Variants in AGBL4 observed in about 807,000 individuals in gnomAD.
AGBL4 encodes cytosolic carboxypeptidase 6.
In AGBL4, 58 loss-of-function variants were observed where a neutral mutation model predicts 66.4. That is an observed-to-expected ratio of 0.87 (90% CI 0.71 to 1.09). AGBL4 has a LOEUF of 1.09. Among genes scored for constraint, AGBL4 ranks in the 50% least tolerant of loss-of-function variants. The probability of loss-of-function intolerance (pLI) is 0.00; values close to 1 mark genes in which losing one functional copy is unlikely to be tolerated. For synonymous variants in AGBL4, 234 were observed against 222.9 expected (o/e 1.05, Z -0.44); for missense variants, 579 against 631.0 (o/e 0.92, Z 0.88).
At chr1:49,653,371 C>T (rs1316343365) in intron 3 of AGBL4, among the ~76,000 whole-genome samples, 2 of 151,994 alleles carry the variant, frequency 1.3e-5, no homozygotes, top group Non-Finnish European at 2.9e-5. Context: ...AAAGAATCAA[C>T]ATAAAAATGC....
intron 6 of AGBL4, among the ~76,000 whole-genome samples, chr1:48,756,994 A>C (rs1643969031): frequency 6.6e-6 from 1 of 152,226 alleles, no homozygotes; most frequent in South Asian, 2.1e-4. Flanking sequence ...CTTCAGGTCA[A>C]GTTTTTCTAC....
chr1:49,658,072 C>A (rs1365571231), intron 3 of AGBL4, among the ~76,000 whole-genome samples: 10 of 152,100 alleles, frequency 6.6e-5, no homozygotes, highest in East Asian at 3.8e-4. Flanking sequence ...GAATAGGCAA[C>A]CTACAGAATG....
At chr1:49,159,916 G>T (rs1646508473) in intron 4 of AGBL4, among the ~76,000 whole-genome samples, 1 of 152,114 alleles carries the variant, frequency 6.6e-6, no homozygotes, top group African/African-American at 2.4e-5. Flanking sequence ...GCTCCAGGAG[G>T]TAATTTATGT....
rs182908130 is a variant in AGBL4 at position 49,957,411 on chromosome 1, C to G, written c.34+66352G>C. ...AGAGCTGAGTTCAATTCCTGGGTATCCTTGTTAACTTTCTGTCTCGTTGAT... is the reference window on the plus strand; with the variant it reads ...AGAGCTGAGTTCAATTCCTGGGTATGCTTGTTAACTTTCTGTCTCGTTGAT... On this transcript the variant is annotated intron_variant, in intron 1 of 13. Transcript: ENST00000371839. 5.3e-5 allele frequency among the ~76,000 whole-genome samples: 8 copies of G among 151,854 alleles called. No individual in the cohort carries two copies. The East Asian group carries it at 1.6e-3, about 30-fold the overall frequency.
chr1:49,260,261 A>C (rs913965535), intron 3 of AGBL4, among the ~76,000 whole-genome samples: 40 of 151,898 alleles, frequency 2.6e-4, no homozygotes, highest in Admixed American at 1.2e-3. Context: ...GAAAAGCAAG[A>C]GCAAACACAT....
At chr1:49,930,475 C>G (rs1653222810) in intron 1 of AGBL4, among the ~76,000 whole-genome samples, 1 of 151,876 alleles carries the variant, frequency 6.6e-6, no homozygotes. Context: ...GAAGACATTA[C>G]AAGAAAATAA....
At chr1:49,770,520 C>T (rs921373473) in intron 2 of AGBL4, among the ~76,000 whole-genome samples, 6 of 152,042 alleles carry the variant, frequency 3.9e-5, no homozygotes, top group Admixed American at 2.6e-4. Context: ...GTCAGGGTAA[C>T]GCTGACCTTT....
At chr1:49,275,398 G>T (rs551833430) in intron 3 of AGBL4, among the ~76,000 whole-genome samples, 24 of 152,076 alleles carry the variant, frequency 1.6e-4, no homozygotes, top group Non-Finnish European at 3.4e-4. Flanking sequence ...TCCTTGGCTT[G>T]GTTTCTTAGC....
chr1:48,822,369 T>C (rs954131482), intron 6 of AGBL4, among the ~76,000 whole-genome samples: 23 of 152,326 alleles, frequency 1.5e-4, no homozygotes, highest in Admixed American at 7.2e-4. Context: ...TATTGATACA[T>C]GCAACAATCT....
intron 5 of AGBL4, among the ~76,000 whole-genome samples, chr1:48,901,752 TA>T (rs1240027449): frequency 6.6e-6 from 1 of 152,004 alleles, no homozygotes; most frequent in African/African-American, 2.4e-5. Flanking sequence ...TGAGTGGGAA[TA>T]GGGGAGGGAG....
chr1:49,564,619 G>A (rs1175967230), intron 3 of AGBL4, among the ~76,000 whole-genome samples: 1 of 152,300 alleles, frequency 6.6e-6, no homozygotes, highest in South Asian at 2.1e-4. Context: ...GAGTGGTTTT[G>A]AGTGAGTTTC....
At chr1:49,070,833 C>A (rs1002321443) in intron 4 of AGBL4, among the ~76,000 whole-genome samples, 2 of 151,656 alleles carry the variant, frequency 1.3e-5, no homozygotes, top group Non-Finnish European at 2.9e-5. Flanking sequence ...GTGCCTCTGG[C>A]AGAATTTGGC....
At chr1:49,792,542 A>G (rs1019065143) in intron 2 of AGBL4, among the ~76,000 whole-genome samples, 3 of 152,096 alleles carry the variant, frequency 2.0e-5, no homozygotes, top group Non-Finnish European at 4.4e-5. Context: ...TATGGAAATA[A>G]ACAGAAAACT....
At chr1:48,966,295 T>C (rs1346885654) in intron 5 of AGBL4, among the ~76,000 whole-genome samples, 4 of 152,124 alleles carry the variant, frequency 2.6e-5, no homozygotes, top group African/African-American at 9.7e-5. Context: ...CAAGATAGCA[T>C]TGTTTTAAAT....
chr1:48,886,806 C>T (rs1558067222), intron 5 of AGBL4, among the ~76,000 whole-genome samples: 1 of 152,202 alleles, frequency 6.6e-6, no homozygotes, highest in Non-Finnish European at 1.5e-5. Context: ...CCGCCTCGGC[C>T]TCCCAAAGTG....
chr1:48,629,546 G>A (rs1443977454), intron 9 of AGBL4, among the ~76,000 whole-genome samples: 1 of 152,166 alleles, frequency 6.6e-6, no homozygotes, highest in Non-Finnish European at 1.5e-5. Context: ...ACAAGACATG[G>A]TTAGATGGTG....
chr1:49,051,448 CA>C (rs1367696777), intron 4 of AGBL4, among the ~76,000 whole-genome samples: 1 of 152,152 alleles, frequency 6.6e-6, no homozygotes, highest in East Asian at 1.9e-4. Flanking sequence ...TTCATCTACT[CA>C]GGGGCTGAAA....
chr1:49,046,540 G>T (rs1379126771), intron 4 of AGBL4, among the ~76,000 whole-genome samples: 1 of 152,130 alleles, frequency 6.6e-6, no homozygotes, highest in Non-Finnish European at 1.5e-5. Flanking sequence ...CAAAAATGTT[G>T]CAGTCATAGT....
chr1:48,588,571 C>A (rs756850480), intron 10 of AGBL4, among the ~76,000 whole-genome samples: 1 of 151,540 alleles, frequency 6.6e-6, no homozygotes, highest in East Asian at 1.9e-4. Flanking sequence ...ATGTCTTATT[C>A]GGCAGGAGAT....
Sources: allele counts gnomAD v4.1 joint callset (sites outside exome capture counted in the v4.1 genomes callset), GRCh38; gene constraint gnomAD v4.1.1; transcripts MANE v1.5; gene names NCBI Gene and HGNC (gene_info 2026-07-23, HGNC 2026-07-21).